The following BIN2 variants were observed in gnomAD, a reference collection of about 807,000 sequenced individuals.
The protein encoded by BIN2 is breast cancer associated protein BRAP1.
BIN2 carries 43 observed loss-of-function variants against 67.9 expected under a neutral mutation model. The ratio of observed to expected loss-of-function variants is 0.63; its 90% CI spans 0.50 to 0.82. The LOEUF is 0.82. Ranked by LOEUF, BIN2 falls within the 40% of genes least tolerant of loss-of-function variation. The pLI, the probability that BIN2 is intolerant of heterozygous loss-of-function variation, is 0.00. For missense variants in BIN2, 581 were observed against 671.6 expected (o/e 0.87, Z 1.49); for synonymous variants, 244 against 246.8 (o/e 0.99, Z 0.11).
intron 2 of BIN2, among the ~76,000 whole-genome samples, chr12:51,309,248 C>T (rs563490055): frequency 6.8e-4 from 103 of 152,070 alleles, no homozygotes; most frequent in Non-Finnish European, 1.1e-3. Flanking sequence ...AGTGAGACCT[C>T]GTCTTCACAA....
At chr12:51,318,255 C>T (rs1350231866) in intron 1 of BIN2, among the ~76,000 whole-genome samples, 3 of 149,308 alleles carry the variant, frequency 2.0e-5, no homozygotes, top group African/African-American at 4.9e-5. Context: ...TGATTCATAT[C>T]TCCATTCTTT....
At chr12:51,306,072 G>A (rs554347388) in intron 2 of BIN2, among the ~76,000 whole-genome samples, 16 of 151,900 alleles carry the variant, frequency 1.1e-4, no homozygotes, top group African/African-American at 2.9e-4. Flanking sequence ...TCCTGGCCTC[G>A]TGATCTGCCC....
chr12:51,302,563 A>T, intron 4 of BIN2, 123 bp downstream of exon 4: 1 of 813,460 alleles, frequency 1.2e-6, no homozygotes, highest in Non-Finnish European at 2.0e-6. Flanking sequence ...CTGAGGCTAC[A>T]CAAATGCACA....
At chr12:51,284,416 C>A (rs1471340645) in intron 12 of BIN2, among the ~76,000 whole-genome samples, 1 of 151,990 alleles carries the variant, frequency 6.6e-6, no homozygotes, top group African/African-American at 2.4e-5. Flanking sequence ...TATAATATGA[C>A]CTTTTTGCAT....
intron 10 of BIN2, among the ~76,000 whole-genome samples, chr12:51,288,674 T>A (rs568435796): frequency 6.6e-6 from 1 of 152,110 alleles, no homozygotes; most frequent in Non-Finnish European, 1.5e-5. Flanking sequence ...AATGAATAAA[T>A]CTTGTTGCCA....
intron 2 of BIN2, among the ~76,000 whole-genome samples, chr12:51,312,305 G>A (rs1276160805): frequency 1.3e-5 from 2 of 152,178 alleles, no homozygotes; most frequent in Admixed American, 1.3e-4. Context: ...CCCAGCAACT[G>A]CCTGTTCAAC....
chr12:51,320,773 C>T (rs1212346981), intron 1 of BIN2, among the ~76,000 whole-genome samples: 1 of 151,728 alleles, frequency 6.6e-6, no homozygotes, highest in Non-Finnish European at 1.5e-5. Flanking sequence ...ATTTAACCCT[C>T]TGGGATTTAA....
chr12:51,306,509 C>A (rs182600756), intron 2 of BIN2, among the ~76,000 whole-genome samples: 85 of 152,238 alleles, frequency 5.6e-4, no homozygotes, highest in African/African-American at 1.9e-3. Context: ...TGCCAGTAAT[C>A]CCAACTACTC....
intron 2 of BIN2, chr12:51,304,304 T>C (rs1945810640): frequency 6.6e-6 from 1 of 152,306 alleles, no homozygotes; most frequent in Admixed American, 6.5e-5. Context: ...TCTGTACTCA[T>C]AGAGTAGATC....
chr12:51,284,622 G>A (rs766059415), intron 12 of BIN2, 94 bp downstream of exon 12: 72 of 1,000,980 alleles, frequency 7.2e-5, no homozygotes, highest in Non-Finnish European at 9.6e-5. Flanking sequence ...GTTCACTGCC[G>A]GATTCCCCTT....
Position 51,292,092 on chromosome 12 carries a change from T to C in BIN2, c.1014A>G (p.Pro338=). ...ASSSEEDEPL[P]ACNGPAQAQP... Reference sequence around the variant, plus strand: ...GGGCCTGGGCGGGGCCATTGCAGGCTGGTAGAGGCTCATCTTCCTCAGAGG... The same window carrying C: ...GGGCCTGGGCGGGGCCATTGCAGGCCGGTAGAGGCTCATCTTCCTCAGAGG... The change falls in exon 10 of 13, where the codon CCA becomes CCG. Residue 338 remains proline, a synonymous_variant. Transcript: ENST00000615107. 6.2e-7 allele frequency: 1 copy of C among 1,614,154 alleles called. No individual in the cohort carries two copies. The highest frequency in any genetic ancestry group is 1.7e-5 in the Admixed American group (1 of 60,016).
chr12:51,284,245 C>T (rs577684471), intron 12 of BIN2, among the ~76,000 whole-genome samples: 3 of 152,190 alleles, frequency 2.0e-5, no homozygotes, highest in African/African-American at 7.2e-5. Context: ...CAAATATTAA[C>T]CACTGTGTCA....
chr12:51,289,430 C>G lies in BIN2; in HGVS notation c.1516-1242G>C, dbSNP rs541320468. 1.2e-4 allele frequency among the ~76,000 whole-genome samples: 18 copies of G among 151,994 alleles called. 1 individual carries two copies. The South Asian group carries it at 3.7e-3, about 32-fold the overall frequency. On this transcript the variant is annotated intron_variant, in intron 10 of 12. Transcript: ENST00000615107. ...AGGAGTTTGAAACCAGCCTGGGCAACATGGCGAAACCCCATCTCTACCAAA... is the reference window on the plus strand; with the variant it reads ...AGGAGTTTGAAACCAGCCTGGGCAAGATGGCGAAACCCCATCTCTACCAAA...
intron 7 of BIN2, 85 bp from the exon 8 acceptor site, chr12:51,297,249 C>T (rs1360100101): frequency 7.6e-7 from 1 of 1,319,472 alleles, no homozygotes; most frequent in Admixed American, 1.9e-5. Context: ...GGACTTAAGC[C>T]AAAACCAGCC....
intron 2 of BIN2, among the ~76,000 whole-genome samples, chr12:51,304,785 G>T (rs1202653481): frequency 6.6e-6 from 1 of 152,144 alleles, no homozygotes; most frequent in African/African-American, 2.4e-5. Context: ...GGGAGGCCGA[G>T]GCGGGCGGAT....
intron 2 of BIN2, among the ~76,000 whole-genome samples, chr12:51,312,723 A>G (rs1946024762): frequency 6.6e-6 from 1 of 152,162 alleles, no homozygotes; most frequent in Non-Finnish European, 1.5e-5. Flanking sequence ...ATTCCATTAA[A>G]AAAAAGTTCA....
chr12:51,309,707 A>T (rs1461760392), intron 2 of BIN2, among the ~76,000 whole-genome samples: 1 of 152,046 alleles, frequency 6.6e-6, no homozygotes, highest in Non-Finnish European at 1.5e-5. Context: ...ACCTAACTCC[A>T]TTTCATTTCT....
intron 2 of BIN2, among the ~76,000 whole-genome samples, chr12:51,303,433 T>C (rs1395759610): frequency 6.6e-6 from 1 of 152,230 alleles, no homozygotes; most frequent in African/African-American, 2.4e-5. Context: ...GTGTTCTCCA[T>C]GTAACACTAT....
chr12:51,324,071 C>T lies in BIN2; in HGVS notation c.32G>A (p.Gly11Asp). Residue 11 changes from glycine (G) to aspartate (D), a missense_variant, in exon 1 of 13, where the codon GGC becomes GAC. Transcript: ENST00000615107. MAEGKAGGAAGLFAKQVQKKF... is the reference protein window; with the variant it reads MAEGKAGGAADLFAKQVQKKF... ...CTTCTGCACCTGCTTGGCGAAGAGG[C>T]CGGCCGCGCCGCCTGCCTTGCCCTC... 2 of 1,613,470 alleles carry T rather than the reference C, an allele frequency of 1.2e-6. No homozygotes were observed. The highest frequency in any genetic ancestry group is 1.7e-6 in the Non-Finnish European group (2 of 1,179,692).
Sources: gnomAD v4.1 joint callset for allele counts (sites outside exome capture counted in the v4.1 genomes callset) on GRCh38, gnomAD v4.1.1 for gene constraint, MANE v1.5 for transcripts, NCBI Gene and HGNC (gene_info 2026-07-23, HGNC 2026-07-21) for gene names.